The following CDIN1 variants were observed in gnomAD, a reference collection of about 807,000 sequenced individuals.
The protein encoded by CDIN1 is CDAN1 interacting nuclease 1, also known as CDAN1-interacting nuclease 1.
A neutral mutation model predicts 45.3 loss-of-function variants in CDIN1; 33 were observed. That is an observed-to-expected ratio of 0.73 (90% confidence interval 0.55 to 0.97). CDIN1 has a LOEUF of 0.97. CDIN1 is among the 50% of genes least tolerant of loss of function. CDIN1 has a pLI of 0.00. For missense variants in CDIN1, 303 were observed against 339.4 expected, an observed-to-expected ratio of 0.89 and a Z score of 0.84; for synonymous variants, 118 against 124.4, an observed-to-expected ratio of 0.95 and a Z score of 0.34.
At chr15:36,703,336 TCTATCAG>T (rs2042725478) in intron 8 of CDIN1, among the ~76,000 whole-genome samples, 2 of 109,562 alleles carry the variant, frequency 1.8e-5, no homozygotes, top group Non-Finnish European at 3.7e-5. Context: ...ATCAGATAGA[TCTATCAG>T]ATATATACAT....
At chr15:36,587,238 G>A (rs978938512) in intron 1 of CDIN1, among the ~76,000 whole-genome samples, 1 of 151,822 alleles carries the variant, frequency 6.6e-6, no homozygotes, top group Admixed American at 6.6e-5. Flanking sequence ...ATCTCCTACT[G>A]TCTTCCTACT....
chr15:36,698,390 A>T (rs1237789312), intron 8 of CDIN1, among the ~76,000 whole-genome samples: 1 of 152,202 alleles, frequency 6.6e-6, no homozygotes, highest in Non-Finnish European at 1.5e-5. Flanking sequence ...AATAAAGTTG[A>T]TTAATTAAGC....
rs375296594 is a variant in CDIN1 at position 36,612,046 on chromosome 15, C to T, written c.101+32085C>T. On this transcript the variant is annotated intron_variant, in intron 1 of 10. Transcript: ENST00000566621. ...CCCATGATAGAAAATGTAGTTTTCC[C>T]CAGGTGTCTGTTTTCTCATTCTTCT... 2.6e-5 allele frequency among the ~76,000 whole-genome samples: 4 copies of T among 152,156 alleles called. No homozygotes were observed. The South Asian group carries it at 8.3e-4, about 32-fold the overall frequency.
At chr15:36,774,386 T>C (rs2054166805) in intron 10 of CDIN1, among the ~76,000 whole-genome samples, 1 of 152,126 alleles carries the variant, frequency 6.6e-6, no homozygotes. Context: ...GTCTGTACCA[T>C]GTGTTTTTCC....
chr15:36,664,547 G>A (rs1228821772), intron 5 of CDIN1, among the ~76,000 whole-genome samples: 1 of 151,956 alleles, frequency 6.6e-6, no homozygotes, highest in Admixed American at 6.6e-5. Flanking sequence ...CCTGTTTATT[G>A]ATCACACTTT....
chr15:36,725,965 T>G (rs2043609458), intron 10 of CDIN1, among the ~76,000 whole-genome samples: 1 of 152,184 alleles, frequency 6.6e-6, no homozygotes, highest in African/African-American at 2.4e-5. Context: ...GCATTTAGAT[T>G]GCACTTTGCA....
At position 36,579,759 on chromosome 15, in the gene CDIN1, G is replaced by C. The variant is rs185043261; in HGVS notation, c.-102G>C. On this transcript the variant is annotated 5_prime_UTR_variant, in exon 1 of 11. Coordinates refer to ENST00000566621, the MANE Select transcript of CDIN1 (RefSeq NM_001321759.2). ...GCAAGCCAAGCAGGCGAGGACCCGGGCCTGTGCCGCTTTGCCTACCCCTCA... is the reference window on the plus strand; with the variant it reads ...GCAAGCCAAGCAGGCGAGGACCCGGCCCTGTGCCGCTTTGCCTACCCCTCA... 2.6e-3 allele frequency: 2,333 copies of C among 914,220 alleles called. 10 individuals are homozygous for C. The highest frequency in any genetic ancestry group is 0.019 in the Middle Eastern group (82 of 4,430). 56.6% of individuals were successfully genotyped at this position (914,220 alleles called of 1,614,324 possible).
At chr15:36,717,718 G>C (rs2043263247) in intron 10 of CDIN1, among the ~76,000 whole-genome samples, 1 of 151,830 alleles carries the variant, frequency 6.6e-6, no homozygotes, top group Non-Finnish European at 1.5e-5. Context: ...TGGAACATAG[G>C]GTGGGAATAT....
intron 1 of CDIN1, chr15:36,619,204 A>T (rs546692855): frequency 7.6e-7 from 1 of 1,323,408 alleles, no homozygotes. Flanking sequence ...TCGTAGGGCT[A>T]TACCTCAGGG....
chr15:36,601,703 A>G (rs183371358), intron 1 of CDIN1, among the ~76,000 whole-genome samples: 3 of 152,312 alleles, frequency 2.0e-5, no homozygotes, highest in African/African-American at 7.2e-5. Flanking sequence ...AACTGTCTAC[A>G]TTAGACCTTT....
At chr15:36,764,414 A>G (rs1314737789) in intron 10 of CDIN1, among the ~76,000 whole-genome samples, 1 of 152,148 alleles carries the variant, frequency 6.6e-6, no homozygotes, top group Non-Finnish European at 1.5e-5. Context: ...GTACATATGC[A>G]TTTGTTTTCT....
At chr15:36,621,872 G>C (rs2039209384) in intron 1 of CDIN1, among the ~76,000 whole-genome samples, 1 of 142,388 alleles carries the variant, frequency 7.0e-6, no homozygotes, top group Non-Finnish European at 1.5e-5. Context: ...AACAAGTTCA[G>C]TTTTTTTTTT....
chr15:36,616,761 C>T (rs531946468), intron 1 of CDIN1, among the ~76,000 whole-genome samples: 2 of 151,784 alleles, frequency 1.3e-5, no homozygotes, highest in African/African-American at 4.8e-5. Flanking sequence ...CCTGTTTCTA[C>T]TAAAAATACA....
At chr15:36,626,920 G>T in intron 1 of CDIN1, 1 of 197,530 alleles carries the variant, frequency 5.1e-6, no homozygotes, top group South Asian at 9.4e-5. Flanking sequence ...GAGTCCACTT[G>T]GAGAGCACTT....
intron 10 of CDIN1, among the ~76,000 whole-genome samples, chr15:36,755,209 A>G (rs1566952250): frequency 6.6e-6 from 1 of 152,174 alleles, no homozygotes; most frequent in Non-Finnish European, 1.5e-5. Context: ...GAAGTTAAGC[A>G]TACATGATTT....
intron 10 of CDIN1, among the ~76,000 whole-genome samples, chr15:36,793,989 T>G (rs981334045): frequency 2.0e-5 from 3 of 148,592 alleles, no homozygotes; most frequent in Non-Finnish European, 3.0e-5. Flanking sequence ...TTTTCTGTTG[T>G]TGCTTTTTCA....
chr15:36,689,302 T>C (rs2042161271), intron 5 of CDIN1, among the ~76,000 whole-genome samples: 1 of 152,212 alleles, frequency 6.6e-6, no homozygotes, highest in South Asian at 2.1e-4. Context: ...TTTTCTTTTT[T>C]TAAAAAACAG....
rs559302602 is a variant in CDIN1, at chr15:36,752,124, C to T, written c.716+42163C>T. The stretch of plus-strand genomic sequence containing the variant: ...CGTTTACCTATGTAACAAACCTGCA[C>T]ATCCTGTACATGTACCCCAGAACTC... On this transcript the variant is annotated intron_variant, in intron 10 of 10. Coordinates refer to ENST00000566621, the MANE Select transcript of CDIN1 (RefSeq NM_001321759.2). Among the ~76,000 whole-genome samples, 18 of 152,284 alleles carry T rather than the reference C, an allele frequency of 1.2e-4. No homozygotes were observed. In the East Asian group the frequency reaches 3.1e-3, roughly 26 times the overall value.
chr15:36,729,465 CTT>C (rs2043762086), intron 10 of CDIN1, among the ~76,000 whole-genome samples: 1 of 152,194 alleles, frequency 6.6e-6, no homozygotes, highest in East Asian at 1.9e-4. Context: ...TCTAGCCTGT[CTT>C]TTGATTAGCA....
Sources: allele counts gnomAD v4.1 joint callset (sites outside exome capture counted in the v4.1 genomes callset), GRCh38; gene constraint gnomAD v4.1.1; transcripts MANE v1.5; gene names NCBI Gene and HGNC (gene_info 2026-07-23, HGNC 2026-07-21).